The following CSMD1 variants were observed in gnomAD, a reference collection of about 807,000 sequenced individuals.
CSMD1 encodes CUB and sushi domain-containing protein 1.
A neutral mutation model predicts 417.5 loss-of-function variants in CSMD1; 213 were observed. The ratio of observed to expected loss-of-function variants is 0.51; its 90% CI spans 0.46 to 0.57. CSMD1 has a LOEUF of 0.57. CSMD1 is among the 20% of genes least tolerant of loss of function. The probability of loss-of-function intolerance (pLI) is 0.00; values close to 1 mark genes in which losing one functional copy is unlikely to be tolerated. For missense variants in CSMD1, 6,923 were observed against 4,529.7 expected (o/e 1.53, Z -15.17); for synonymous variants, 2,862 against 1,736.8 (o/e 1.65, Z -16.11).
At chr8:4,752,321 G>A (rs1404837579) in intron 1 of CSMD1, among the ~76,000 whole-genome samples, 1 of 152,068 alleles carries the variant, frequency 6.6e-6, no homozygotes, top group South Asian at 2.1e-4. Context: ...GCTTGAAATT[G>A]CTTTATGTAT....
chr8:3,530,000 CAATTT>C (rs1322976367), intron 10 of CSMD1, among the ~76,000 whole-genome samples: 1 of 151,798 alleles, frequency 6.6e-6, no homozygotes, highest in Non-Finnish European at 1.5e-5. Flanking sequence ...TTCCCCATGA[CAATTT>C]AATTTTATCA....
chr8:3,605,230 TCCA>T (rs1312982288), intron 8 of CSMD1, among the ~76,000 whole-genome samples: 1 of 152,174 alleles, frequency 6.6e-6, no homozygotes, highest in Non-Finnish European at 1.5e-5. Flanking sequence ...GATCTTGTGA[TCCA>T]CCCGCCTCGG....
chr8:4,249,300 A>C (rs1047428220), intron 3 of CSMD1, among the ~76,000 whole-genome samples: 1 of 152,218 alleles, frequency 6.6e-6, no homozygotes, highest in Non-Finnish European at 1.5e-5. Flanking sequence ...AGGTAGGATG[A>C]AGATGACCTG....
intron 4 of CSMD1, among the ~76,000 whole-genome samples, chr8:4,026,155 A>T (rs888774931): frequency 1.3e-5 from 2 of 152,186 alleles, no homozygotes; most frequent in African/African-American, 4.8e-5. Context: ...TAAATATGTC[A>T]CATTTACACA....
intron 3 of CSMD1, among the ~76,000 whole-genome samples, chr8:4,246,997 T>C (rs894554583): frequency 2.6e-5 from 4 of 152,210 alleles, no homozygotes; most frequent in African/African-American, 7.2e-5. Context: ...GTATTATTTA[T>C]AAAACACTCA....
At chr8:3,209,561 C>T (rs13278808) in intron 30 of CSMD1, among the ~76,000 whole-genome samples, 15,430 of 152,014 alleles carry the variant, frequency 0.1, 1,013 homozygotes, top group Non-Finnish European at 0.13. Context: ...CCTTGTGATC[C>T]GCCTGCCTCG....
At chr8:3,921,871 G>C (rs1033346392) in intron 5 of CSMD1, among the ~76,000 whole-genome samples, 5 of 152,128 alleles carry the variant, frequency 3.3e-5, no homozygotes, top group African/African-American at 1.2e-4. Context: ...CTGTGGTCTG[G>C]AAGGTTCTGC....
At chr8:4,728,119 T>A (rs891173481) in intron 1 of CSMD1, among the ~76,000 whole-genome samples, 4 of 147,092 alleles carry the variant, frequency 2.7e-5, no homozygotes, top group Non-Finnish European at 6.0e-5. Flanking sequence ...GGTGTATATA[T>A]TTAGACATAA....
At chr8:3,407,466 A>T (rs1812423527) in intron 14 of CSMD1, among the ~76,000 whole-genome samples, 1 of 151,818 alleles carries the variant, frequency 6.6e-6, no homozygotes, top group Non-Finnish European at 1.5e-5. Context: ...GATGGAAGAA[A>T]GGATGGATAG....
Position 3,527,356 on chromosome 8 carries a change from G to T in CSMD1, c.1345-33630C>A, listed in dbSNP as rs138481887. ...GCCCTTTCAAAAAGCCATTCTAAAA[G>T]GTTACATAGTGTATGATTTCGTTTG... On this transcript the variant is annotated intron_variant, in intron 10 of 69. Coordinates refer to ENST00000635120, the MANE Select transcript of CSMD1 (RefSeq NM_033225.6). Among the ~76,000 whole-genome samples, 110 of 152,138 alleles carry T rather than the reference G, an allele frequency of 7.2e-4. 2 individuals carry two copies. In the East Asian group the frequency reaches 0.018, roughly 25 times the overall value.
chr8:4,162,327 C>G (rs1490413356), intron 3 of CSMD1, among the ~76,000 whole-genome samples: 1 of 152,084 alleles, frequency 6.6e-6, no homozygotes, highest in African/African-American at 2.4e-5. Flanking sequence ...ATTTATGTTA[C>G]TACAAAAGAA....
At chr8:4,025,819 GTTAATTATTTTCTATTAA>G (rs999120474) in intron 4 of CSMD1, among the ~76,000 whole-genome samples, 3 of 152,048 alleles carry the variant, frequency 2.0e-5, no homozygotes, top group African/African-American at 4.8e-5. Context: ...ATTTAGTTCT[GTTAATTATTTTCTATTAA>G]TTAAATATAC....
At chr8:4,053,805 C>G (rs1177018250) in intron 3 of CSMD1, among the ~76,000 whole-genome samples, 1 of 151,986 alleles carries the variant, frequency 6.6e-6, no homozygotes, top group Non-Finnish European at 1.5e-5. Flanking sequence ...TGTTTAAATG[C>G]CTAAAGCTTT....
intron 3 of CSMD1, among the ~76,000 whole-genome samples, chr8:4,307,680 G>T (rs1043155221): frequency 2.0e-5 from 3 of 152,032 alleles, no homozygotes; most frequent in Non-Finnish European, 4.4e-5. Context: ...CAAATTTGTT[G>T]GTGACTTTGC....
intron 10 of CSMD1, among the ~76,000 whole-genome samples, chr8:3,566,038 C>T (rs1799690687): frequency 6.6e-6 from 1 of 152,124 alleles, no homozygotes; most frequent in African/African-American, 2.4e-5. Context: ...AACTCTTTGC[C>T]TGTCATACGG....
chr8:3,293,822 T>C (rs927876148), intron 25 of CSMD1, among the ~76,000 whole-genome samples: 6 of 152,238 alleles, frequency 3.9e-5, no homozygotes, highest in South Asian at 2.1e-4. Context: ...CCTTCTTCTC[T>C]CAACTTGTCA....
At chr8:4,178,650 T>C (rs1798188645) in intron 3 of CSMD1, among the ~76,000 whole-genome samples, 1 of 152,180 alleles carries the variant, frequency 6.6e-6, no homozygotes, top group Non-Finnish European at 1.5e-5. Flanking sequence ...TGTCCCTTTT[T>C]GCAGATAATA....
rs1280408225 is a variant in CSMD1, at chr8:3,911,523, G to A, written c.818+86380C>T. On this transcript the variant is annotated intron_variant, in intron 5 of 69. Coordinates refer to ENST00000635120, the MANE Select transcript of CSMD1 (RefSeq NM_033225.6). The stretch of plus-strand genomic sequence containing the variant: ...AGCCTGGGCAACAGAGCAAGACTCC[G>A]TCTCAAAATAAAAAAAAAAAAAAAA... Among the ~76,000 whole-genome samples, 6 of 130,206 alleles carry A rather than the reference G, an allele frequency of 4.6e-5. No individual in the cohort carries two copies. The East Asian group carries it at 6.6e-4, about 14-fold the overall frequency. 85.4% of individuals were successfully genotyped at this position (130,206 alleles called of 152,430 possible). A position where few individuals can be genotyped will look rare whatever the true frequency, so the allele number is the denominator to read the frequency against.
intron 18 of CSMD1, among the ~76,000 whole-genome samples, chr8:3,386,839 T>G (rs1811032802): frequency 6.6e-6 from 1 of 152,198 alleles, no homozygotes; most frequent in African/African-American, 2.4e-5. Flanking sequence ...ACCCCAAGTT[T>G]TTTTGGCAAA....
Sources: allele counts gnomAD v4.1 joint callset (sites outside exome capture counted in the v4.1 genomes callset), GRCh38; gene constraint gnomAD v4.1.1; transcripts MANE v1.5; gene names NCBI Gene and HGNC (gene_info 2026-07-23, HGNC 2026-07-21).